Variants in DSCAM observed in about 807,000 individuals in gnomAD.
The protein encoded by DSCAM is DS cell adhesion molecule.
DSCAM carries 47 observed loss-of-function variants against 217.7 expected under a neutral mutation model. That is an observed-to-expected ratio of 0.22 (90% CI 0.17 to 0.28). The LOEUF (loss-of-function observed/expected upper bound fraction) is 0.28. Among genes scored for constraint, DSCAM ranks in the 10% least tolerant of loss-of-function variants. DSCAM has a pLI of 1.00. For synonymous variants in DSCAM, 1,056 were observed against 1,015.3 expected (o/e 1.04, Z -0.76); for missense variants, 2,080 against 2,618.3 (o/e 0.79, Z 4.49).
intron 1 of DSCAM, among the ~76,000 whole-genome samples, chr21:40,799,344 A>G (rs1440100717): frequency 6.6e-6 from 1 of 152,176 alleles, no homozygotes; most frequent in African/African-American, 2.4e-5. Context: ...TTCCCTATGC[A>G]GGAAAATCAA....
chr21:40,551,441 T>A (rs963156383), intron 3 of DSCAM, among the ~76,000 whole-genome samples: 3 of 152,196 alleles, frequency 2.0e-5, no homozygotes, highest in Non-Finnish European at 2.9e-5. Context: ...GTTCTTATTA[T>A]GTAGATGAAG....
At chr21:40,142,760 A>G (rs1309346413) in intron 17 of DSCAM, 56 bp from the exon 18 acceptor site, 2 of 1,470,716 alleles carry the variant, frequency 1.4e-6, no homozygotes, top group African/African-American at 3.6e-5. Flanking sequence ...GAGCAAAGCA[A>G]TAACCGAAAA....
chr21:40,333,301 A>T (rs1319159460), intron 8 of DSCAM, among the ~76,000 whole-genome samples: 5 of 152,218 alleles, frequency 3.3e-5, no homozygotes, highest in African/African-American at 4.8e-5. Context: ...GATAAACTAC[A>T]ATCCTGACCA....
intron 2 of DSCAM, among the ~76,000 whole-genome samples, chr21:40,694,001 C>T (rs775789519): frequency 3.3e-5 from 5 of 152,010 alleles, no homozygotes; most frequent in Non-Finnish European, 7.4e-5. Flanking sequence ...GCATCTGCCC[C>T]CTAGGGTGAC....
intron 3 of DSCAM, among the ~76,000 whole-genome samples, chr21:40,485,521 C>G (rs976943503): frequency 6.6e-6 from 1 of 152,096 alleles, no homozygotes; most frequent in Non-Finnish European, 1.5e-5. Flanking sequence ...GGATTACAGG[C>G]GTGAGCCACC....
chr21:40,523,359 C>G (rs1287268314), intron 3 of DSCAM, among the ~76,000 whole-genome samples: 2 of 152,134 alleles, frequency 1.3e-5, no homozygotes, highest in Non-Finnish European at 2.9e-5. Context: ...CGGGCACGCA[C>G]ACAAGCAGCT....
chr21:40,210,557 T>A (rs1194505677), intron 11 of DSCAM, among the ~76,000 whole-genome samples: 1 of 152,208 alleles, frequency 6.6e-6, no homozygotes, highest in Non-Finnish European at 1.5e-5. Flanking sequence ...CATTTATTTG[T>A]TCTTTAAGAT....
intron 11 of DSCAM, among the ~76,000 whole-genome samples, chr21:40,207,473 A>T (rs960256394): frequency 6.6e-6 from 1 of 152,158 alleles, no homozygotes; most frequent in African/African-American, 2.4e-5. Flanking sequence ...TGACCCTGTA[A>T]TTCCTTTTCT....
intron 4 of DSCAM, among the ~76,000 whole-genome samples, chr21:40,354,580 T>C (rs2074670034): frequency 6.6e-6 from 1 of 151,916 alleles, no homozygotes; most frequent in Admixed American, 6.5e-5. Flanking sequence ...CCGGGCATGG[T>C]GGCTCAGGCC....
chr21:40,415,999 T>C (rs557929174), intron 3 of DSCAM, among the ~76,000 whole-genome samples: 3 of 152,318 alleles, frequency 2.0e-5, no homozygotes, highest in Non-Finnish European at 2.9e-5. Flanking sequence ...ACTTCCAAAA[T>C]AGGCAAAAGA....
At chr21:40,485,602 T>C (rs955811123) in intron 3 of DSCAM, among the ~76,000 whole-genome samples, 2 of 152,156 alleles carry the variant, frequency 1.3e-5, no homozygotes, top group Admixed American at 1.3e-4. Flanking sequence ...ATCAGTAGTT[T>C]TTGAATCCAC....
At position 40,254,609 on chromosome 21, in the gene DSCAM, T is replaced by C. The variant is rs999343866; in HGVS notation, c.2356+21488A>G. 2.0e-4 allele frequency among the ~76,000 whole-genome samples: 30 copies of C among 152,200 alleles called. 1 individual carries two copies. The highest frequency in any genetic ancestry group is 1.9e-3 in the Admixed American group (29 of 15,288). ...AAGGTGACTGGTTCACGGGGGTGGGTATAAAGCCCAGGCCCCCAGCCCCAG... is the reference window on the plus strand; with the variant it reads ...AAGGTGACTGGTTCACGGGGGTGGGCATAAAGCCCAGGCCCCCAGCCCCAG... On this transcript the variant is annotated intron_variant, in intron 11 of 32. Coordinates refer to ENST00000400454, the MANE Select transcript of DSCAM (RefSeq NM_001389.5).
chr21:40,632,445 G>A (rs1801738939), intron 3 of DSCAM, among the ~76,000 whole-genome samples: 1 of 152,026 alleles, frequency 6.6e-6, no homozygotes, highest in Non-Finnish European at 1.5e-5. Flanking sequence ...CACATATATT[G>A]GGGAGTTGTT....
At chr21:40,649,509 C>T (rs575531777) in intron 3 of DSCAM, among the ~76,000 whole-genome samples, 1 of 152,188 alleles carries the variant, frequency 6.6e-6, no homozygotes, top group African/African-American at 2.4e-5. Flanking sequence ...ACACATTATG[C>T]CACATTGTTT....
At chr21:40,066,760 C>T (rs556452315) in intron 27 of DSCAM, among the ~76,000 whole-genome samples, 1 of 152,172 alleles carries the variant, frequency 6.6e-6, no homozygotes, top group Non-Finnish European at 1.5e-5. Flanking sequence ...TTGGATTAGC[C>T]TGCCCATGCT....
chr21:40,311,234 T>G (rs1232328672), intron 9 of DSCAM, among the ~76,000 whole-genome samples: 1 of 152,244 alleles, frequency 6.6e-6, no homozygotes, highest in Non-Finnish European at 1.5e-5. Context: ...AATATAAATC[T>G]TTAACTTCAG....
intron 1 of DSCAM, among the ~76,000 whole-genome samples, chr21:40,830,992 C>T (rs547190286): frequency 2.6e-5 from 4 of 152,294 alleles, no homozygotes; most frequent in East Asian, 1.9e-4. Context: ...GCAATTGTCA[C>T]GACAGGGGAC....
At chr21:40,080,107 C>T (rs2837424) in intron 25 of DSCAM, 45 bp downstream of exon 25, 263,639 of 1,279,060 alleles carry the variant, frequency 0.21, 44,913 homozygotes, top group African/African-American at 0.4. Flanking sequence ...CTCTTCTGGC[C>T]GGGAAAAGAA....
intron 32 of DSCAM, among the ~76,000 whole-genome samples, chr21:40,038,711 T>C: frequency 7.3e-6 from 1 of 136,682 alleles, no homozygotes; most frequent in Non-Finnish European, 1.5e-5. Context: ...TAAAGACACA[T>C]GCACACATAT....
Sources: allele counts gnomAD v4.1 joint callset (sites outside exome capture counted in the v4.1 genomes callset), GRCh38; gene constraint gnomAD v4.1.1; transcripts MANE v1.5; gene names NCBI Gene and HGNC (gene_info 2026-07-23, HGNC 2026-07-21).